CCDC148: variants seen among roughly 807,000 people sequenced by gnomAD.
The protein encoded by CCDC148 is coiled-coil domain-containing protein 148.
A neutral mutation model predicts 85.7 loss-of-function variants in CCDC148; 89 were observed. The ratio of observed to expected loss-of-function variants is 1.04; its 90% CI spans 0.87 to 1.24. The LOEUF (loss-of-function observed/expected upper bound fraction) is 1.24, where lower values mean the gene tolerates loss of function less well. Among genes scored for constraint, CCDC148 ranks in the 50% most tolerant of loss-of-function variants. CCDC148 has a pLI of 0.00. For missense variants in CCDC148, 692 were observed against 671.7 expected, an observed-to-expected ratio of 1.03 and a Z score of -0.33; for synonymous variants, 230 against 213.9, an observed-to-expected ratio of 1.08 and a Z score of -0.66.
At position 158,250,769 on chromosome 2, in the gene CCDC148, T is replaced by C. The variant is rs1688757114; in HGVS notation, c.1251+3A>G. ...ACATTCGTATTGACAATAGATTTTTTACTTTTTTTTTCTTCTCTGCTCTTT... is the reference window on the plus strand; with the variant it reads ...ACATTCGTATTGACAATAGATTTTTCACTTTTTTTTTCTTCTCTGCTCTTT... On this transcript the variant is annotated splice_donor_region_variant and intron_variant, in intron 10 of 13. Transcript: ENST00000283233. The C allele has an allele frequency of 1.3e-6, 2 of 1,542,396 alleles. No individual in the cohort carries two copies. The highest frequency in any genetic ancestry group is 8.7e-7 in the Non-Finnish European group (1 of 1,147,452).
chr2:158,410,374 C>G (rs188015131), intron 1 of CCDC148, among the ~76,000 whole-genome samples: 1 of 152,208 alleles, frequency 6.6e-6, no homozygotes, highest in East Asian at 1.9e-4. Flanking sequence ...TAAGTGAGAA[C>G]TTCTTATTGT....
rs891335140 is a variant in CCDC148, at chr2:158,302,796, A to T, written c.1110+6637T>A. ...AGACTCCATAAAAAAAAAAAAAAAA[A>T]TTATGAGATGGCTCTGGGGAGGATG... is the stretch of plus-strand genomic sequence containing the variant. On this transcript the variant is annotated intron_variant, in intron 9 of 13. Coordinates refer to ENST00000283233, the MANE Select transcript of CCDC148 (RefSeq NM_138803.4). Among the ~76,000 whole-genome samples the T allele has an allele frequency of 1.6e-4, 24 of 145,690 alleles. No homozygotes were observed. In the East Asian group the frequency reaches 2.7e-3, roughly 16 times the overall value.
At chr2:158,439,198 T>G (rs1687816955) in intron 1 of CCDC148, among the ~76,000 whole-genome samples, 1 of 152,214 alleles carries the variant, frequency 6.6e-6, no homozygotes, top group Non-Finnish European at 1.5e-5. Context: ...GTGGCACTAT[T>G]CACAATAGCA....
chr2:158,444,456 A>G (rs1465775726), intron 1 of CCDC148, among the ~76,000 whole-genome samples: 1 of 152,166 alleles, frequency 6.6e-6, no homozygotes, highest in South Asian at 2.1e-4. Context: ...TGACATACCA[A>G]CTAAAGAAAA....
At chr2:158,350,349 C>T (rs1012825695) in intron 2 of CCDC148, among the ~76,000 whole-genome samples, 4 of 152,068 alleles carry the variant, frequency 2.6e-5, no homozygotes, top group Admixed American at 2.0e-4. Context: ...TTTTTTGGTA[C>T]ATCTCGAATG....
chr2:158,313,425 T>A (rs1384509495), intron 8 of CCDC148, among the ~76,000 whole-genome samples: 1 of 152,148 alleles, frequency 6.6e-6, no homozygotes, highest in African/African-American at 2.4e-5. Flanking sequence ...CTGGAGATGG[T>A]AAAGCCCCTG....
At chr2:158,180,721 C>A (rs553519699) in intron 11 of CCDC148, among the ~76,000 whole-genome samples, 1 of 152,154 alleles carries the variant, frequency 6.6e-6, no homozygotes, top group South Asian at 2.1e-4. Context: ...GGAAGACATG[C>A]TCCTGGGGAG....
chr2:158,239,288 T>TTCTC (rs144758960), intron 10 of CCDC148, among the ~76,000 whole-genome samples: 1 of 148,966 alleles, frequency 6.7e-6, no homozygotes, highest in Admixed American at 6.7e-5. Flanking sequence ...TATCCAGGCT[T>TTCTC]TCTCTCTCTC....
intron 7 of CCDC148, among the ~76,000 whole-genome samples, chr2:158,327,342 C>T (rs1692830763): frequency 6.6e-6 from 1 of 152,154 alleles, no homozygotes; most frequent in Non-Finnish European, 1.5e-5. Flanking sequence ...AAAAACTATT[C>T]AAACTCTTTA....
chr2:158,214,261 C>T (rs572815108), intron 11 of CCDC148, among the ~76,000 whole-genome samples: 74 of 152,080 alleles, frequency 4.9e-4, no homozygotes, highest in Admixed American at 2.3e-3. Flanking sequence ...TTATACATTT[C>T]GCTATCCAGT....
intron 2 of CCDC148, among the ~76,000 whole-genome samples, chr2:158,357,079 T>C (rs1162514199): frequency 8.1e-5 from 8 of 99,078 alleles, no homozygotes; most frequent in Non-Finnish European, 1.4e-4. Flanking sequence ...GGGACTGTTA[T>C]GGGGTTGGGG....
chr2:158,452,516 T>C (rs1331836086), intron 1 of CCDC148, among the ~76,000 whole-genome samples: 1 of 152,234 alleles, frequency 6.6e-6, no homozygotes, highest in Non-Finnish European at 1.5e-5. Context: ...ATATTCCTTA[T>C]GCCAAAATGG....
Position 158,452,077 on chromosome 2 carries a change from G to A in CCDC148, c.25+4338C>T, listed in dbSNP as rs1688427156. ...CTATCCTCTTACCTTCAATGTCTGA[G>A]AATTAAACTGATAAAAGACAGACTG... is the stretch of plus-strand genomic sequence containing the variant. On this transcript the variant is annotated intron_variant, in intron 1 of 13. Transcript: ENST00000283233. 1.3e-5 allele frequency among the ~76,000 whole-genome samples: 2 copies of A among 152,142 alleles called. 1 individual carries two copies. The highest frequency in any genetic ancestry group is 4.1e-4 in the South Asian group (2 of 4,828).
At chr2:158,176,811 G>A (rs1218487125) in intron 12 of CCDC148, 150 bp from the exon 13 acceptor site, 2 of 776,422 alleles carry the variant, frequency 2.6e-6, no homozygotes, top group Admixed American at 3.1e-5. Context: ...TAATTGGTCA[G>A]TCCTAGAGAT....
At chr2:158,275,853 C>G (rs1199459133) in intron 9 of CCDC148, among the ~76,000 whole-genome samples, 1 of 152,030 alleles carries the variant, frequency 6.6e-6, no homozygotes, top group East Asian at 1.9e-4. Flanking sequence ...AAGTTCCAGA[C>G]AGACTCTTCT....
intron 1 of CCDC148, among the ~76,000 whole-genome samples, chr2:158,431,583 A>G (rs1181175366): frequency 1.3e-5 from 2 of 152,164 alleles, no homozygotes; most frequent in African/African-American, 4.8e-5. Flanking sequence ...AGGAAAACAA[A>G]AGAGAAGAGA....
chr2:158,438,812 G>A (rs181838510), intron 1 of CCDC148, among the ~76,000 whole-genome samples: 11,350 of 152,134 alleles, frequency 0.075, 565 homozygotes, highest in Middle Eastern at 0.11. Flanking sequence ...AAAAGTGGGC[G>A]AAGGATATGA....
intron 1 of CCDC148, among the ~76,000 whole-genome samples, chr2:158,422,130 T>C (rs1439545762): frequency 6.6e-6 from 1 of 152,050 alleles, no homozygotes; most frequent in African/African-American, 2.4e-5. Context: ...CAGGACCAAA[T>C]GGATTCACAG....
At chr2:158,450,751 C>T (rs1688373390) in intron 1 of CCDC148, among the ~76,000 whole-genome samples, 1 of 151,930 alleles carries the variant, frequency 6.6e-6, no homozygotes, top group African/African-American at 2.4e-5. Context: ...TTTTGTCTTT[C>T]AGCAGGCTAA....
Sources: allele counts gnomAD v4.1 joint callset (sites outside exome capture counted in the v4.1 genomes callset), GRCh38; gene constraint gnomAD v4.1.1; transcripts MANE v1.5; gene names NCBI Gene and HGNC (gene_info 2026-07-23, HGNC 2026-07-21).